Variants in ASCC3 observed in about 807,000 individuals in gnomAD.
ASCC3 encodes ASC-1 complex subunit P200.
In ASCC3, 158 loss-of-function variants were observed where a neutral mutation model predicts 256.3. That is an observed-to-expected ratio of 0.62 (90% CI 0.54 to 0.70). The LOEUF (loss-of-function observed/expected upper bound fraction) is 0.70. ASCC3 is among the 30% of genes least tolerant of loss of function. ASCC3 has a pLI of 0.00. For missense variants in ASCC3, 2,259 were observed against 2,626.0 expected (o/e 0.86, Z 3.05); for synonymous variants, 948 against 883.4 (o/e 1.07, Z -1.30).
Position 100,518,031 on chromosome 6 carries a change from T to C in ASCC3, c.5887A>G (p.Thr1963Ala). 1 of 1,613,550 alleles carries C rather than the reference T, an allele frequency of 6.2e-7. No individual in the cohort carries two copies. Among genetic ancestry groups the C allele is most frequent in the Non-Finnish European group, 8.5e-7 (1 of 1,179,612 alleles). ...TGATGGTTTTCTATGTTTGGTAGTG[T>C]AAGAAGAGAAGAGTCCTTTAACCAC... The part of the protein sequence containing the change: ...GRWLKDSSLL[T>A]LPNIENHHLH... Residue 1963 changes from threonine to alanine, a missense_variant, in exon 38 of 42, where the codon ACA becomes GCA. By Grantham distance (58) the Thr-to-Ala change is moderately conservative (BLOSUM62 0). Coordinates refer to ENST00000369162, the MANE Select transcript of ASCC3 (RefSeq NM_006828.4).
intron 25 of ASCC3, among the ~76,000 whole-genome samples, chr6:100,633,318 G>A (rs541281264): frequency 1.1e-4 from 16 of 152,072 alleles, no homozygotes; most frequent in Non-Finnish European, 2.4e-4. Flanking sequence ...TAACTGTCTT[G>A]TTTACTAGAA....
rs760128132 is a variant in ASCC3 at position 100,687,030 on chromosome 6, TCTCTCACACACA to T, written c.2152-7290_2152-7279del. On this transcript the variant is annotated intron_variant, in intron 13 of 41. Transcript: ENST00000369162. Reference sequence around the variant, plus strand: ...ACTTAAATCTCTCTCTCTCTCTCTCTCTCTCACACACACACACACACACACACACACACACAC... The same window carrying T: ...ACTTAAATCTCTCTCTCTCTCTCTCTCACACACACACACACACACACACAC... 3.9e-5 allele frequency among the ~76,000 whole-genome samples: 5 copies of T among 129,350 alleles called. No homozygotes were observed. The East Asian group carries it at 8.2e-4, about 21-fold the overall frequency. 84.9% of individuals were successfully genotyped at this position (129,350 alleles called of 152,430 possible).
At chr6:100,808,466 T>C (rs1562311715) in intron 4 of ASCC3, among the ~76,000 whole-genome samples, 2 of 151,942 alleles carry the variant, frequency 1.3e-5, no homozygotes, top group Non-Finnish European at 2.9e-5. Context: ...TATTATTCTC[T>C]TTTCTAACTG....
chr6:100,765,149 G>A (rs568582037), intron 10 of ASCC3, among the ~76,000 whole-genome samples: 4 of 152,150 alleles, frequency 2.6e-5, no homozygotes, highest in East Asian at 1.9e-4. Context: ...GAAACAACTC[G>A]GCTGACACCT....
intron 18 of ASCC3, among the ~76,000 whole-genome samples, chr6:100,651,914 C>T (rs1306249269): frequency 1.3e-5 from 2 of 151,928 alleles, no homozygotes; most frequent in African/African-American, 4.8e-5. Flanking sequence ...AACATCTACA[C>T]TAGATACCTT....
chr6:100,667,362 G>C (rs1003284473), intron 14 of ASCC3, among the ~76,000 whole-genome samples: 1 of 152,096 alleles, frequency 6.6e-6, no homozygotes, highest in Non-Finnish European at 1.5e-5. Flanking sequence ...TGTTCAGAGG[G>C]TGTGGGGCAA....
At chr6:100,843,093 TAAAG>T (rs1162886838) in intron 4 of ASCC3, among the ~76,000 whole-genome samples, 3 of 152,094 alleles carry the variant, frequency 2.0e-5, no homozygotes, top group African/African-American at 7.2e-5. Context: ...TTCAATAACA[TAAAG>T]AAAAATTATG....
intron 36 of ASCC3, among the ~76,000 whole-genome samples, chr6:100,576,430 T>A (rs914984464): frequency 3.9e-5 from 6 of 152,038 alleles, no homozygotes; most frequent in Admixed American, 1.3e-4. Context: ...TTCTTACATG[T>A]CAATGCTTTA....
Position 100,610,186 on chromosome 6 carries a change from A to G in ASCC3, c.4786-3098T>C, listed in dbSNP as rs538723915. On this transcript the variant is annotated intron_variant, in intron 30 of 41. Transcript: ENST00000369162. The stretch of plus-strand genomic sequence containing the variant: ...ACTTTTATATGCCTGAGATAGAAGT[A>G]TAAAAAAGTGACAATTTCTTCAGAT... 5.3e-5 allele frequency among the ~76,000 whole-genome samples: 8 copies of G among 152,362 alleles called. No homozygotes were observed. The South Asian group carries it at 1.7e-3, about 32-fold the overall frequency.
At chr6:100,591,231 C>A (rs927337372) in intron 34 of ASCC3, among the ~76,000 whole-genome samples, 1 of 151,876 alleles carries the variant, frequency 6.6e-6, no homozygotes, top group African/African-American at 2.4e-5. Flanking sequence ...AAATTATTAA[C>A]CATTAGAAAA....
At chr6:100,516,017 T>C (rs1400335919) in intron 39 of ASCC3, among the ~76,000 whole-genome samples, 163 bp downstream of exon 39, 3 of 152,318 alleles carry the variant, frequency 2.0e-5, no homozygotes, top group South Asian at 4.1e-4. Flanking sequence ...CAAGAACTTC[T>C]TGAGACATCT....
At chr6:100,633,815 G>A (rs979011664) in intron 25 of ASCC3, among the ~76,000 whole-genome samples, 4 of 151,626 alleles carry the variant, frequency 2.6e-5, no homozygotes, top group Admixed American at 6.6e-5. Flanking sequence ...TGGAGGTTGC[G>A]GTAAGCCGAG....
chr6:100,691,943 A>C (rs1777868783), intron 13 of ASCC3, among the ~76,000 whole-genome samples: 1 of 151,960 alleles, frequency 6.6e-6, no homozygotes, highest in Admixed American at 6.6e-5. Context: ...CCTGCCTTAC[A>C]AGGGTGCTGT....
chr6:100,630,476 T>G (rs1021227342), intron 26 of ASCC3, among the ~76,000 whole-genome samples: 2 of 151,514 alleles, frequency 1.3e-5, no homozygotes, highest in Non-Finnish European at 2.9e-5. Flanking sequence ...CTTATATTTT[T>G]TTTTTGTTTT....
chr6:100,674,221 G>A (rs1180960140), intron 14 of ASCC3, among the ~76,000 whole-genome samples: 1 of 151,568 alleles, frequency 6.6e-6, no homozygotes, highest in Admixed American at 6.6e-5. Flanking sequence ...TCAGAATTGG[G>A]TACTATTATG....
At chr6:100,525,907 G>T (rs1232168961) in intron 37 of ASCC3, among the ~76,000 whole-genome samples, 1 of 152,076 alleles carries the variant, frequency 6.6e-6, no homozygotes, top group Non-Finnish European at 1.5e-5. Flanking sequence ...GCACTATTTA[G>T]TTCAAGAGCT....
At chr6:100,563,334 C>G (rs1770053266) in intron 36 of ASCC3, among the ~76,000 whole-genome samples, 1 of 152,124 alleles carries the variant, frequency 6.6e-6, no homozygotes, top group African/African-American at 2.4e-5. Context: ...TTATGCTTGG[C>G]TTTAATTCTT....
At chr6:100,723,785 G>A (rs1247016999) in intron 11 of ASCC3, among the ~76,000 whole-genome samples, 1 of 147,362 alleles carries the variant, frequency 6.8e-6, no homozygotes, top group East Asian at 2.0e-4. Context: ...CATGTTTATG[G>A]GCAAAAGATG....
chr6:100,825,425 C>T (rs535758819), intron 4 of ASCC3, among the ~76,000 whole-genome samples: 1 of 152,272 alleles, frequency 6.6e-6, no homozygotes, highest in South Asian at 2.1e-4. Flanking sequence ...GATTCTTCAT[C>T]TAAGTTCCTT....
Sources: gnomAD v4.1 joint callset for allele counts (sites outside exome capture counted in the v4.1 genomes callset) on GRCh38, gnomAD v4.1.1 for gene constraint, MANE v1.5 for transcripts, NCBI Gene and HGNC (gene_info 2026-07-23, HGNC 2026-07-21) for gene names.